DNAH14: variants seen among roughly 807,000 people sequenced by gnomAD.
DNAH14 encodes the protein axonemal beta dynein heavy chain 14.
In DNAH14, 478 loss-of-function variants were observed where a neutral mutation model predicts 520.9. That is an observed-to-expected ratio of 0.92 (90% confidence interval 0.85 to 0.99). DNAH14 has a LOEUF of 0.99. DNAH14 is among the 50% of genes least tolerant of loss of function. DNAH14 has a pLI of 0.00. For missense variants in DNAH14, 4,831 were observed against 5,234.5 expected (o/e 0.92, Z 2.38); for synonymous variants, 1,581 against 1,757.2 (o/e 0.90, Z 2.51).
intron 1 of DNAH14, among the ~76,000 whole-genome samples, chr1:224,934,011 A>G (rs1345628937): frequency 4.6e-5 from 7 of 152,006 alleles, no homozygotes; most frequent in African/African-American, 7.2e-5. Flanking sequence ...AACAGCCAGT[A>G]CCATAGATAT....
chr1:225,290,647 GTATATATATATATATATA>G lies in DNAH14; in HGVS notation c.8469+595_8469+612del, dbSNP rs56045354. ...TATAGATATATGTGTGTGTGTGTGT[GTATATATATATATATATA>G]TATATATATATATATATATATATAT... On this transcript the variant is annotated intron_variant, in intron 55 of 85. Transcript: ENST00000682510. 3.6e-3 allele frequency among the ~76,000 whole-genome samples: 207 copies of G among 57,572 alleles called. 2 individuals are homozygous for G. The highest frequency in any genetic ancestry group is 3.8e-3 in the Non-Finnish European group (119 of 31,626). The allele number at this position is 57,572 out of a possible 152,430, so 37.8% of individuals were successfully genotyped here. A position where few individuals can be genotyped will look rare whatever the true frequency, so the allele number is the denominator to read the frequency against.
intron 69 of DNAH14, among the ~76,000 whole-genome samples, 189 bp downstream of exon 69, chr1:225,340,890 T>C (rs938260555): frequency 2.0e-5 from 3 of 152,196 alleles, no homozygotes; most frequent in Non-Finnish European, 4.4e-5. Context: ...TCAGTTCCAC[T>C]TTTGCTTCAG....
intron 29 of DNAH14, 148 bp downstream of exon 29, chr1:225,144,776 C>A: frequency 1.5e-6 from 1 of 682,238 alleles, no homozygotes; most frequent in South Asian, 2.0e-5. Flanking sequence ...ATTAATTCAT[C>A]AATGATGTTT....
intron 36 of DNAH14, among the ~76,000 whole-genome samples, chr1:225,182,507 G>A (rs1338013122): frequency 1.3e-5 from 2 of 152,116 alleles, no homozygotes; most frequent in East Asian, 3.9e-4. Flanking sequence ...CTTCACGAGA[G>A]CTAAATAATT....
At chr1:225,305,179 C>A in intron 58 of DNAH14, 90 bp downstream of exon 58, 2 of 1,408,920 alleles carry the variant, frequency 1.4e-6, no homozygotes, top group Non-Finnish European at 1.9e-6. Context: ...TGAGCCAAAT[C>A]TGCCTTTTTG....
chr1:225,070,861 C>T (rs1027042167), intron 17 of DNAH14, among the ~76,000 whole-genome samples: 3 of 152,124 alleles, frequency 2.0e-5, no homozygotes, highest in Non-Finnish European at 2.9e-5. Flanking sequence ...AATCTAGGTG[C>T]TCCAGTCTTG....
intron 60 of DNAH14, among the ~76,000 whole-genome samples, chr1:225,310,555 C>A (rs944574204): frequency 1.3e-5 from 2 of 152,056 alleles, no homozygotes; most frequent in African/African-American, 4.8e-5. Flanking sequence ...CCCATTAACC[C>A]GTCATCCACA....
intron 57 of DNAH14, among the ~76,000 whole-genome samples, chr1:225,303,617 G>A (rs960056014): frequency 5.9e-5 from 9 of 152,062 alleles, no homozygotes; most frequent in East Asian, 1.9e-4. Flanking sequence ...GCAGATTTCC[G>A]TGAAGGAAAA....
chr1:225,124,466 T>C (rs1185219103), intron 27 of DNAH14, among the ~76,000 whole-genome samples: 1 of 152,264 alleles, frequency 6.6e-6, no homozygotes. Context: ...GTCATTTCAA[T>C]AATGTTCACA....
intron 31 of DNAH14, among the ~76,000 whole-genome samples, chr1:225,151,100 C>T (rs907327689): frequency 2.6e-5 from 4 of 152,102 alleles, no homozygotes; most frequent in African/African-American, 9.7e-5. Context: ...TATTGAAAAG[C>T]TCTGTAATAA....
intron 72 of DNAH14, among the ~76,000 whole-genome samples, chr1:225,352,385 A>G (rs558101000): frequency 6.6e-6 from 1 of 152,148 alleles, no homozygotes; most frequent in South Asian, 2.1e-4. Flanking sequence ...ATTTTTCTCT[A>G]CTTCACTTCC....
At chr1:225,255,213 A>G (rs2092693915) in intron 44 of DNAH14, among the ~76,000 whole-genome samples, 1 of 152,208 alleles carries the variant, frequency 6.6e-6, no homozygotes, top group African/African-American at 2.4e-5. Flanking sequence ...ATGTTTGAGG[A>G]GTTTAAATGT....
intron 52 of DNAH14, among the ~76,000 whole-genome samples, chr1:225,273,858 A>AT (rs1489315809): frequency 6.6e-6 from 1 of 152,144 alleles, no homozygotes; most frequent in Non-Finnish European, 1.5e-5. Flanking sequence ...CATTACTAGA[A>AT]TTTTTTGCCG....
chr1:225,145,175 GT>G (rs1487192460), intron 29 of DNAH14, 150 bp from the exon 30 acceptor site: 5 of 584,776 alleles, frequency 8.6e-6, no homozygotes, highest in Non-Finnish European at 1.5e-5. Context: ...ATTATATTGA[GT>G]TTTGTGAATC....
At chr1:225,341,422 G>A (rs911316892) in intron 69 of DNAH14, among the ~76,000 whole-genome samples, 1 of 152,188 alleles carries the variant, frequency 6.6e-6, no homozygotes, top group African/African-American at 2.4e-5. Flanking sequence ...AGGAGTTCGA[G>A]ACCAGCCTGA....
intron 47 of DNAH14, among the ~76,000 whole-genome samples, chr1:225,264,577 CT>C (rs1311183549): frequency 6.6e-6 from 1 of 152,090 alleles, no homozygotes; most frequent in Admixed American, 6.6e-5. Flanking sequence ...CTGTTTGATG[CT>C]TTTAGACATA....
rs898224263 is a variant in DNAH14 at position 224,967,800 on chromosome 1, T to C, written c.651+217T>C. On this transcript the variant is annotated intron_variant, in intron 6 of 85. Transcript: ENST00000682510. ...GGTTTGAAGATTCAACTTTAATAAATTTTTTCATCTATCAAATACTTTGTT... is the reference window on the plus strand; with the variant it reads ...GGTTTGAAGATTCAACTTTAATAAACTTTTTCATCTATCAAATACTTTGTT... The C allele has an allele frequency of 3.5e-6, 5 of 1,411,866 alleles. No individual in the cohort carries two copies. The African/African-American group carries it at 7.4e-5, about 21-fold the overall frequency. 87.5% of individuals were successfully genotyped at this position (1,411,866 alleles called of 1,614,324 possible).
chr1:225,343,215 G>T (rs2095228274), intron 69 of DNAH14, among the ~76,000 whole-genome samples: 1 of 152,216 alleles, frequency 6.6e-6, no homozygotes, highest in African/African-American at 2.4e-5. Flanking sequence ...GTGATGGGGA[G>T]TTCCAGTATT....
At chr1:225,098,235 T>C (rs1266061598) in intron 22 of DNAH14, among the ~76,000 whole-genome samples, 1 of 150,118 alleles carries the variant, frequency 6.7e-6, no homozygotes, top group Non-Finnish European at 1.5e-5. Context: ...ACTATTACTT[T>C]GAGCCAGATG....
Sources: gnomAD v4.1 joint callset for allele counts (sites outside exome capture counted in the v4.1 genomes callset) on GRCh38, gnomAD v4.1.1 for gene constraint, MANE v1.5 for transcripts, NCBI Gene and HGNC (gene_info 2026-07-23, HGNC 2026-07-21) for gene names.